ST8SIA6: variants seen among roughly 807,000 people sequenced by gnomAD.
The protein encoded by ST8SIA6 is ST8 alpha-N-acetyl-neuraminide alpha-2,8-sialyltransferase 6, also known as alpha-2,8-sialyltransferase 8F.
A neutral mutation model predicts 33.6 loss-of-function variants in ST8SIA6; 39 were observed. That is an observed-to-expected ratio of 1.16 (90% CI 0.90 to 1.52). The LOEUF (loss-of-function observed/expected upper bound fraction) is 1.52. Ranked by LOEUF, ST8SIA6 falls within the 40% of genes most tolerant of loss-of-function variation. The pLI is 0.00. For synonymous variants in ST8SIA6, 172 were observed against 167.2 expected, an observed-to-expected ratio of 1.03 and a Z score of -0.22; for missense variants, 441 against 443.8, an observed-to-expected ratio of 0.99 and a Z score of 0.06.
intron 4 of ST8SIA6, among the ~76,000 whole-genome samples, chr10:17,347,960 A>AAAAAAAAAAAAAAAAAAAT (rs1848897924): frequency 6.6e-6 from 1 of 151,216 alleles, no homozygotes; most frequent in African/African-American, 2.4e-5. Context: ...TCTCAAAAAA[A>AAAAAAAAAAAAAAAAAAAT]AAAAAAAAAA....
intron 3 of ST8SIA6, among the ~76,000 whole-genome samples, chr10:17,375,495 G>A (rs576663075): frequency 6.6e-6 from 1 of 152,138 alleles, no homozygotes; most frequent in East Asian, 1.9e-4. Context: ...CCTGCAAAAC[G>A]GTGCCTCCCG....
intron 2 of ST8SIA6, among the ~76,000 whole-genome samples, chr10:17,451,828 A>C (rs1852922640): frequency 6.6e-6 from 1 of 152,256 alleles, no homozygotes; most frequent in African/African-American, 2.4e-5. Context: ...AAATAAATCA[A>C]AACATAAAGA....
rs1850557829 is a variant in ST8SIA6 at position 17,390,605 on chromosome 10, C to A, written c.216G>T (p.Glu72Asp). ...PRATNSTYLNEKSLQLTEKCK... is the reference protein window; with the variant it reads ...PRATNSTYLNDKSLQLTEKCK... ...ATTTCTCCGTCAGTTGGAGCGACTT[C>A]TCATTCAGATATGTGCTGTTTCATG... The change falls in exon 3 of 8, where the codon GAG becomes GAT. Residue 72 changes from glutamate to aspartate, a missense_variant. Coordinates refer to ENST00000377602, the MANE Select transcript of ST8SIA6 (RefSeq NM_001004470.3). 1 of 1,613,612 alleles carries A rather than the reference C, an allele frequency of 6.2e-7. No individual in the cohort carries two copies. Among genetic ancestry groups the A allele is most frequent in the Non-Finnish European group, 8.5e-7 (1 of 1,179,740 alleles).
rs1847806347 is a variant in ST8SIA6, at chr10:17,317,312, G to A, written c.*3566C>T. 6.6e-6 allele frequency among the ~76,000 whole-genome samples: 1 copy of A among 152,132 alleles called. No homozygotes were observed. Reference sequence around the variant, plus strand: ...GATGACCCAAAATAAGAAAGACCATGAGAAATATTCTTGCCTTTCCACTCT... The same window carrying A: ...GATGACCCAAAATAAGAAAGACCATAAGAAATATTCTTGCCTTTCCACTCT... On this transcript the variant is annotated 3_prime_UTR_variant, in exon 8 of 8. Coordinates refer to ENST00000377602, the MANE Select transcript of ST8SIA6 (RefSeq NM_001004470.3).
intron 5 of ST8SIA6, among the ~76,000 whole-genome samples, chr10:17,329,390 A>G (rs1403832636): frequency 1.3e-5 from 2 of 151,304 alleles, no homozygotes; most frequent in Non-Finnish European, 2.9e-5. Flanking sequence ...TTACAATTCC[A>G]TGGATTAAAA....
chr10:17,436,382 T>A (rs991755963), intron 2 of ST8SIA6, among the ~76,000 whole-genome samples: 8 of 152,130 alleles, frequency 5.3e-5, no homozygotes, highest in Non-Finnish European at 5.9e-5. Flanking sequence ...TTGTTTTTGT[T>A]TTTTTATACT....
chr10:17,427,061 A>T (rs1851960250), intron 2 of ST8SIA6, among the ~76,000 whole-genome samples: 1 of 149,538 alleles, frequency 6.7e-6, no homozygotes, highest in African/African-American at 2.5e-5. Flanking sequence ...CTGAGATCGC[A>T]CCACTGCCCT....
chr10:17,384,231 C>T (rs913893241), intron 3 of ST8SIA6, among the ~76,000 whole-genome samples: 1 of 150,770 alleles, frequency 6.6e-6, no homozygotes, highest in African/African-American at 2.4e-5. Flanking sequence ...CTGACAGGCA[C>T]AGTACCCCCA....
At chr10:17,398,094 C>T (rs915509359) in intron 2 of ST8SIA6, among the ~76,000 whole-genome samples, 8 of 151,932 alleles carry the variant, frequency 5.3e-5, no homozygotes, top group East Asian at 1.9e-4. Context: ...TGGGAGGCTG[C>T]GGCGGGTGGA....
intron 3 of ST8SIA6, among the ~76,000 whole-genome samples, chr10:17,383,899 A>C (rs1423134596): frequency 6.6e-6 from 1 of 152,204 alleles, no homozygotes; most frequent in Admixed American, 6.5e-5. Context: ...ACAATTTAGT[A>C]TACTCCCATG....
intron 3 of ST8SIA6, among the ~76,000 whole-genome samples, chr10:17,368,333 GGAGGCA>G (rs80325979): frequency 0.19 from 27,656 of 146,146 alleles, 3,003 homozygotes; most frequent in East Asian, 0.51. Context: ...CTTGAACCTG[GGAGGCA>G]GAGGTCACAG....
At chr10:17,431,208 T>C (rs561484039) in intron 2 of ST8SIA6, among the ~76,000 whole-genome samples, 7 of 152,276 alleles carry the variant, frequency 4.6e-5, no homozygotes, top group African/African-American at 1.7e-4. Context: ...GACATGAGGA[T>C]GAGAACTAGC....
intron 2 of ST8SIA6, among the ~76,000 whole-genome samples, chr10:17,441,953 C>T (rs1267903118): frequency 6.6e-6 from 1 of 151,696 alleles, no homozygotes; most frequent in Admixed American, 6.6e-5. Flanking sequence ...ACTGCAACCT[C>T]CACCTCCCAG....
intron 2 of ST8SIA6, among the ~76,000 whole-genome samples, chr10:17,397,563 C>G (rs752583663): frequency 6.6e-6 from 1 of 152,114 alleles, no homozygotes; most frequent in Admixed American, 6.6e-5. Flanking sequence ...ACATCATTTC[C>G]CTGCTCAAAG....
At chr10:17,355,434 T>G (rs1166953514) in intron 4 of ST8SIA6, among the ~76,000 whole-genome samples, 1 of 152,194 alleles carries the variant, frequency 6.6e-6, no homozygotes, top group African/African-American at 2.4e-5. Flanking sequence ...AGCAATTTAT[T>G]GGGTACCATC....
intron 4 of ST8SIA6, among the ~76,000 whole-genome samples, chr10:17,350,278 G>A (rs992634210): frequency 1.3e-5 from 2 of 152,174 alleles, no homozygotes; most frequent in Admixed American, 6.5e-5. Context: ...GCTGTGTCGT[G>A]GAGGACAAAG....
chr10:17,336,628 A>C (rs1385512067), intron 4 of ST8SIA6, among the ~76,000 whole-genome samples: 2 of 138,624 alleles, frequency 1.4e-5, no homozygotes, highest in African/African-American at 2.7e-5. Flanking sequence ...GAGTCTCACT[A>C]CCTCACCCAG....
Position 17,390,513 on chromosome 10 carries a change from G to T in ST8SIA6, c.290+18C>A. 1 of 1,576,876 alleles carries T rather than the reference G, an allele frequency of 6.3e-7. No individual in the cohort carries two copies. The highest frequency in any genetic ancestry group is 8.7e-7 in the Non-Finnish European group (1 of 1,152,216). On this transcript the variant is annotated intron_variant, in intron 3 of 7. Transcript: ENST00000377602. ...CCCTTGTTGTAAAAGGAAATTAAAT[G>T]TGAAGAGTAGAACTTACCCTTTCGT...
chr10:17,372,452 C>G (rs1849767195), intron 3 of ST8SIA6, among the ~76,000 whole-genome samples: 1 of 152,154 alleles, frequency 6.6e-6, no homozygotes, highest in Non-Finnish European at 1.5e-5. Context: ...TTATCCAAAT[C>G]CCAGCTCTGC....
Sources: gnomAD v4.1 joint callset for allele counts (sites outside exome capture counted in the v4.1 genomes callset) on GRCh38, gnomAD v4.1.1 for gene constraint, MANE v1.5 for transcripts, NCBI Gene and HGNC (gene_info 2026-07-23, HGNC 2026-07-21) for gene names.